The following NFXL1 variants were observed in gnomAD, a reference collection of about 807,000 sequenced individuals.
The protein encoded by NFXL1 is nuclear transcription factor, X-box binding like 1, also known as NF-X1-type zinc finger protein NFXL1.
In NFXL1, 66 loss-of-function variants were observed where a neutral mutation model predicts 123.3. The ratio of observed to expected loss-of-function variants is 0.54; its 90% CI spans 0.44 to 0.66. NFXL1 has a LOEUF of 0.66. Ranked by LOEUF, NFXL1 falls within the 30% of genes least tolerant of loss-of-function variation. The pLI, the probability that NFXL1 is intolerant of heterozygous loss-of-function variation, is 0.00. For missense variants in NFXL1, 944 were observed against 1,125.6 expected (o/e 0.84, Z 2.31); for synonymous variants, 346 against 360.8 (o/e 0.96, Z 0.46).
intron 19 of NFXL1, among the ~76,000 whole-genome samples, chr4:47,857,270 A>G (rs1203220475): frequency 6.6e-6 from 1 of 152,120 alleles, no homozygotes; most frequent in Non-Finnish European, 1.5e-5. Context: ...TTGGAAATAT[A>G]CCTTAATCAA....
Position 47,914,153 on chromosome 4 carries a change from T to C in NFXL1, c.51A>G (p.Gly17=). ...QVAGGRGRSR[G]RATAAPSGNG... The stretch of plus-strand genomic sequence containing the variant: ...TTCCTGAGGGGGCGGCAGTGGCCCG[T>C]CCCCGGGATCGGCCTCGGCCACCGG... The change falls in exon 2 of 23, where the codon GGA becomes GGG. Residue 17 remains glycine, a synonymous_variant. Transcript: ENST00000507489. 2 of 1,528,798 alleles carry C rather than the reference T, an allele frequency of 1.3e-6. No homozygotes were observed. The highest frequency in any genetic ancestry group is 1.9e-5 in the Admixed American group (1 of 51,302). The allele number at this position is 1,528,798 out of a possible 1,614,324, so 94.7% of individuals were successfully genotyped here.
chr4:47,889,598 G>A (rs765579463), intron 12 of NFXL1, among the ~76,000 whole-genome samples: 4 of 152,094 alleles, frequency 2.6e-5, no homozygotes, highest in African/African-American at 4.8e-5. Flanking sequence ...TTTGTTCTAG[G>A]TATTAAACTA....
At chr4:47,905,119 C>A (rs955447614) in intron 4 of NFXL1, 118 bp downstream of exon 4, 2 of 452,292 alleles carry the variant, frequency 4.4e-6, no homozygotes, top group African/African-American at 2.0e-5. Flanking sequence ...ATACAAAATT[C>A]TCAAATGAAG....
At chr4:47,863,292 T>G (rs562227540) in intron 18 of NFXL1, among the ~76,000 whole-genome samples, 33 of 152,310 alleles carry the variant, frequency 2.2e-4, no homozygotes, top group African/African-American at 7.5e-4. Flanking sequence ...TTAAAACTAA[T>G]TATTTAATAT....
intron 1 of NFXL1, 22 bp from the exon 2 acceptor site, chr4:47,914,227 A>G: frequency 6.9e-7 from 1 of 1,448,348 alleles, no homozygotes; most frequent in Non-Finnish European, 9.1e-7. Flanking sequence ...AAAAAAAAAA[A>G]AAAGAGTGGA....
intron 11 of NFXL1, among the ~76,000 whole-genome samples, chr4:47,892,012 T>C (rs1309750407): frequency 4.6e-5 from 7 of 152,140 alleles, no homozygotes; most frequent in East Asian, 3.9e-4. Context: ...GCCTATCCTA[T>C]CACTTTGCCA....
chr4:47,896,478 ATGATAGGTAGCTC>A (rs1480874280), intron 10 of NFXL1, 32 bp downstream of exon 10: 2 of 1,486,794 alleles, frequency 1.3e-6, no homozygotes, highest in East Asian at 4.5e-5. Flanking sequence ...TTGATACATT[ATGATAGGTAGCTC>A]TTAAAAGTAA....
rs1010934833 is a variant in NFXL1 at position 47,894,083 on chromosome 4, A to G, written c.1452+97T>C. On this transcript the variant is annotated intron_variant, in intron 11 of 22. Coordinates refer to ENST00000507489, the MANE Select transcript of NFXL1 (RefSeq NM_001278624.2). ...ATTAAAGGAAAGCATATGCCTGAAC[A>G]TTTGAGAAACAATTCAAGACAGCAC... The G allele has an allele frequency of 4.8e-5, 39 of 809,260 alleles. No homozygotes were observed. The Middle Eastern group carries it at 7.3e-4, about 15-fold the overall frequency. The allele number at this position is 809,260 out of a possible 1,614,324, so 50.1% of individuals were successfully genotyped here. A position where few individuals can be genotyped will look rare whatever the true frequency, so the allele number is the denominator to read the frequency against.
intron 12 of NFXL1, among the ~76,000 whole-genome samples, chr4:47,889,541 A>C (rs1186069956): frequency 6.6e-6 from 1 of 152,192 alleles, no homozygotes; most frequent in Non-Finnish European, 1.5e-5. Context: ...TATATGCTGC[A>C]GGATTTCTGA....
At chr4:47,861,686 C>T (rs1577992750) in intron 19 of NFXL1, among the ~76,000 whole-genome samples, 1 of 152,056 alleles carries the variant, frequency 6.6e-6, no homozygotes, top group East Asian at 1.9e-4. Flanking sequence ...TTTGAAATAT[C>T]CCATGCCCTA....
chr4:47,890,535 T>G, intron 12 of NFXL1, 78 bp downstream of exon 12: 1 of 759,014 alleles, frequency 1.3e-6, no homozygotes, highest in Non-Finnish European at 2.3e-6. Context: ...TTCAATACAT[T>G]ATATTGAATA....
chr4:47,895,670 A>T (rs972004673), intron 10 of NFXL1, among the ~76,000 whole-genome samples: 2 of 152,186 alleles, frequency 1.3e-5, no homozygotes, highest in Non-Finnish European at 2.9e-5. Flanking sequence ...TATTATAGTT[A>T]CTTTGATCTT....
intron 10 of NFXL1, among the ~76,000 whole-genome samples, chr4:47,895,717 T>C (rs76797649): frequency 8.7e-4 from 133 of 152,224 alleles, no homozygotes; most frequent in African/African-American, 3.0e-3. Context: ...TTATCATCAA[T>C]AAGGCTGTTT....
chr4:47,913,973 G>A lies in NFXL1; in HGVS notation c.231C>T (p.Ala77=), dbSNP rs943194565. The A allele has an allele frequency of 1.3e-6, 2 of 1,543,602 alleles. No homozygotes were observed. Among genetic ancestry groups the A allele is most frequent in the Non-Finnish European group, 1.7e-6 (2 of 1,143,708 alleles). The change falls in exon 2 of 23, where the codon GCC becomes GCT. Residue 77 remains alanine, a synonymous_variant. Coordinates refer to ENST00000507489, the MANE Select transcript of NFXL1 (RefSeq NM_001278624.2). The stretch of plus-strand genomic sequence containing the variant: ...GCGGGCGGGAGCCATTCTCACCGCT[G>A]GCTGCGGTAGTCTGCAGGGCTTGGG... ...AGSQALQTTA[A]SELMSQKKFE... is the part of the protein sequence containing the mutation.
At chr4:47,869,618 A>G (rs879473796) in intron 18 of NFXL1, among the ~76,000 whole-genome samples, 1 of 152,210 alleles carries the variant, frequency 6.6e-6, no homozygotes, top group Admixed American at 6.5e-5. Flanking sequence ...TAAATAATCC[A>G]TAAGCTTTAA....
chr4:47,904,509 C>A (rs1276738570), intron 4 of NFXL1, among the ~76,000 whole-genome samples: 3 of 152,188 alleles, frequency 2.0e-5, no homozygotes, highest in East Asian at 3.8e-4. Context: ...ACTCTAGGCA[C>A]AAAAGGCATC....
intron 18 of NFXL1, among the ~76,000 whole-genome samples, chr4:47,868,760 T>C (rs1342396933): frequency 1.3e-5 from 2 of 152,200 alleles, no homozygotes; most frequent in African/African-American, 4.8e-5. Flanking sequence ...TTAACTTGCC[T>C]ACTAAAATGA....
chr4:47,857,372 T>G (rs181336292), intron 19 of NFXL1, among the ~76,000 whole-genome samples: 1 of 152,306 alleles, frequency 6.6e-6, no homozygotes, highest in African/African-American at 2.4e-5. Context: ...ATAGGGAAGC[T>G]TATCAGATTC....
intron 9 of NFXL1, among the ~76,000 whole-genome samples, 200 bp downstream of exon 9, chr4:47,897,767 C>A (rs1045149439): frequency 6.6e-6 from 1 of 152,138 alleles, no homozygotes; most frequent in African/African-American, 2.4e-5. Flanking sequence ...CTCTCCCCAA[C>A]CCCTGGATGC....
Sources: gnomAD v4.1 joint callset for allele counts (sites outside exome capture counted in the v4.1 genomes callset) on GRCh38, gnomAD v4.1.1 for gene constraint, MANE v1.5 for transcripts, NCBI Gene and HGNC (gene_info 2026-07-23, HGNC 2026-07-21) for gene names.